The following SP140 variants were observed in gnomAD, a reference collection of about 807,000 sequenced individuals.
SP140 encodes the protein nuclear body protein SP140.
A neutral mutation model predicts 125.0 loss-of-function variants in SP140; 81 were observed. The observed-to-expected ratio is 0.65, with a 90% confidence interval of 0.54 to 0.78. The LOEUF (loss-of-function observed/expected upper bound fraction) is 0.78, where lower values mean the gene tolerates loss of function less well. Ranked by LOEUF, SP140 falls within the 30% of genes least tolerant of loss-of-function variation. The pLI is 0.00. For missense variants in SP140, 858 were observed against 1,037.0 expected (o/e 0.83, Z 2.37); for synonymous variants, 312 against 354.0 (o/e 0.88, Z 1.33).
At chr2:230,302,467 C>T (rs2058375278) in intron 22 of SP140, among the ~76,000 whole-genome samples, 1 of 152,176 alleles carries the variant, frequency 6.6e-6, no homozygotes, top group African/African-American at 2.4e-5. Flanking sequence ...TACTGGGGGA[C>T]TTCAGTACTC....
intron 1 of SP140, chr2:230,212,613 A>G: frequency 8.4e-7 from 1 of 1,189,908 alleles, no homozygotes; most frequent in Non-Finnish European, 1.3e-6. Context: ...CAGTGCTCAT[A>G]ATCCCTCTTG....
Position 230,259,771 on chromosome 2 carries a change from C to CATATATATATATATATATATATATATAT in SP140, c.1240+4264_1240+4265insTATATATATATATATATATATATATATA, listed in dbSNP as rs745848625. Among the ~76,000 whole-genome samples, 66 of 85,704 alleles carry CATATATATATATATATATATATATATAT rather than the reference C, an allele frequency of 7.7e-4. 1 individual carries two copies. The highest frequency in any genetic ancestry group is 1.1e-3 in the Non-Finnish European group (43 of 38,064). 56.2% of individuals were successfully genotyped at this position (85,704 alleles called of 152,430 possible). On this transcript the variant is annotated intron_variant, in intron 12 of 26. Transcript: ENST00000392045. ...TTTTTATGGCTGCGTAGTATTCCAT[C>CATATATATATATATATATATATATATAT]ATATATATATATATATATATATATA...
intron 20 of SP140, among the ~76,000 whole-genome samples, chr2:230,294,057 G>A (rs546032335): frequency 1.4e-4 from 22 of 152,302 alleles, no homozygotes; most frequent in Non-Finnish European, 2.9e-4. Context: ...ACAAGAGAAG[G>A]GAAAATGGTC....
At position 230,250,979 on chromosome 2, in the gene SP140, A is replaced by G; in HGVS notation, c.977-2A>G. On this transcript the variant is annotated splice_acceptor_variant, in intron 9 of 26. Transcript: ENST00000392045. LOFTEE classifies it high-confidence loss of function. ...CTTGAGGGATTTCTTTTCTTTCTGC[A>G]GAGGGCAGTGATGACTGTTCAGAAA... The G allele has an allele frequency of 1.2e-6, 2 of 1,613,644 alleles. No individual in the cohort carries two copies. Among genetic ancestry groups the G allele is most frequent in the South Asian group, 2.2e-5 (2 of 91,066 alleles).
In SP140 at chr2:230,211,519, A is replaced by T. The variant is rs750630805; in HGVS notation, c.-322-2135A>T. 4 of 1,612,260 alleles carry T rather than the reference A, an allele frequency of 2.5e-6. No individual in the cohort carries two copies. Among genetic ancestry groups the T allele is most frequent in the Non-Finnish European group, 2.5e-6 (3 of 1,178,288 alleles). ...GGGGCATCTCTTGAGGGTCTTCTTTATCTCTTATTTGGGGGATCAGGTTGT... is the reference window on the plus strand; with the variant it reads ...GGGGCATCTCTTGAGGGTCTTCTTTTTCTCTTATTTGGGGGATCAGGTTGT... On this transcript the variant is annotated intron_variant, in intron 1 of 4. Transcript: ENST00000456542. This position sits in a 1 kb window ranked among gnomAD's most constrained non-coding sequence, Gnocchi z 4.2.
At chr2:230,235,781 A>G (rs2047886068) in intron 1 of SP140, among the ~76,000 whole-genome samples, 1 of 152,086 alleles carries the variant, frequency 6.6e-6, no homozygotes, top group Non-Finnish European at 1.5e-5. Context: ...AGAGGTCTCC[A>G]AGTTTAGACA....
chr2:230,292,063 T>C (rs73998791), intron 19 of SP140, among the ~76,000 whole-genome samples: 1,591 of 152,360 alleles, frequency 0.01, 24 homozygotes, highest in African/African-American at 0.036. Context: ...ATTAAATTTT[T>C]TATCAGATAA....
chr2:230,305,011 C>T (rs1320418391), intron 22 of SP140, among the ~76,000 whole-genome samples: 11 of 152,144 alleles, frequency 7.2e-5, no homozygotes, highest in Admixed American at 3.3e-4. Flanking sequence ...ATGCATCCGA[C>T]GGAGGACTAA....
At chr2:230,313,393 C>T (rs2059451283), downstream of SP140, among the ~76,000 whole-genome samples, 2 of 152,078 alleles carry the variant, frequency 1.3e-5, no homozygotes, top group South Asian at 4.1e-4. Context: ...GCCAGTAGTC[C>T]CCAGAATATT....
At chr2:230,265,474 C>T (rs1204061094) in intron 12 of SP140, among the ~76,000 whole-genome samples, 1 of 152,190 alleles carries the variant, frequency 6.6e-6, no homozygotes, top group Non-Finnish European at 1.5e-5. Context: ...GGAGGCGTCT[C>T]ACCCTGTTCA....
chr2:230,245,320 C>A (rs2049277850), intron 6 of SP140, among the ~76,000 whole-genome samples: 1 of 152,040 alleles, frequency 6.6e-6, no homozygotes, highest in Non-Finnish European at 1.5e-5. Context: ...TTGGAGGCAC[C>A]AAATGGTGTT....
intron 8 of SP140, among the ~76,000 whole-genome samples, 168 bp from the exon 9 acceptor site, chr2:230,248,717 A>G (rs900342905): frequency 1.3e-5 from 2 of 152,192 alleles, no homozygotes; most frequent in Admixed American, 6.5e-5. Flanking sequence ...GGTGAGGAGG[A>G]CACTGAGAAT....
Position 230,205,237 on chromosome 2 carries a change from A to G in SP140, c.-323+1958A>G, listed in dbSNP as rs1197034967. Among the ~76,000 whole-genome samples, 2 of 152,166 alleles carry G rather than the reference A, an allele frequency of 1.3e-5. 1 individual carries two copies. The highest frequency in any genetic ancestry group is 4.1e-4 in the South Asian group (2 of 4,824). On this transcript the variant is annotated intron_variant, in intron 1 of 4. Coordinates refer to the SP140 transcript ENST00000456542. ...TAGATTAAGTTCCTCATTTCAAGTT[A>G]AACTACAACAGGCTCCCAAGGGCCT...
At chr2:230,220,698 G>A (rs1287153041) in intron 3 of SP140, among the ~76,000 whole-genome samples, 3 of 152,070 alleles carry the variant, frequency 2.0e-5, no homozygotes, top group Non-Finnish European at 4.4e-5. Context: ...GACATGTGGG[G>A]CCTATGAAAA....
intron 5 of SP140, among the ~76,000 whole-genome samples, chr2:230,244,274 AT>A (rs1238139329): frequency 6.6e-6 from 1 of 152,240 alleles, no homozygotes; most frequent in Non-Finnish European, 1.5e-5. Context: ...CAGCTTATGA[AT>A]TTTGATGGAT....
chr2:230,220,592 G>A (rs542776973), intron 3 of SP140, among the ~76,000 whole-genome samples: 2 of 152,316 alleles, frequency 1.3e-5, no homozygotes, highest in South Asian at 4.1e-4. Flanking sequence ...GGAGTCTGAG[G>A]CAGAACTGGG....
chr2:230,312,816 A>T lies in SP140; in HGVS notation c.*132A>T. ...AGGGGCTTTTCTCTGAGCCTCCTTC[A>T]TCTGCCCAAAGACAAATCCTCAAAA... is the stretch of plus-strand genomic sequence containing the variant. On this transcript the variant is annotated 3_prime_UTR_variant, in exon 27 of 27. Transcript: ENST00000392045. 1.5e-6 allele frequency: 1 copy of T among 654,954 alleles called. No individual in the cohort carries two copies. Among genetic ancestry groups the T allele is most frequent in the Non-Finnish European group, 2.7e-6 (1 of 365,572 alleles). The allele number at this position is 654,954 out of a possible 1,614,324, so 40.6% of individuals were successfully genotyped here.
downstream of SP140, among the ~76,000 whole-genome samples, chr2:230,314,466 G>A (rs567803697): frequency 1.4e-4 from 22 of 152,338 alleles, no homozygotes; most frequent in East Asian, 1.2e-3. Flanking sequence ...AACCAGATAC[G>A]TGAGAATTAT....
In SP140 at chr2:230,286,655, A is replaced by G. The variant is rs572200059; in HGVS notation, c.1645+823A>G. Among the ~76,000 whole-genome samples the G allele has an allele frequency of 3.9e-5, 6 of 152,350 alleles. 1 individual carries two copies. The South Asian group carries it at 1.0e-3, about 26-fold the overall frequency. ...TTGAAAGAAATAGAGCTTTACTTCT[A>G]CAACCTGGATGTGAGTGAAGGGCTG... On this transcript the variant is annotated intron_variant, in intron 17 of 26. Transcript: ENST00000392045.
Sources: gnomAD v4.1 joint callset for allele counts (sites outside exome capture counted in the v4.1 genomes callset) on GRCh38, gnomAD v4.1.1 for gene constraint, Gnocchi (gnomAD v3.1) non-coding constraint, MANE v1.5 for transcripts, NCBI Gene and HGNC (gene_info 2026-07-23, HGNC 2026-07-21) for gene names.